The following ROBO1 variants were observed in gnomAD, a reference collection of about 807,000 sequenced individuals.
The protein encoded by ROBO1 is roundabout homolog 1.
ROBO1 carries 149 observed loss-of-function variants against 195.9 expected under a neutral mutation model. The ratio of observed to expected loss-of-function variants is 0.76; its 90% CI spans 0.67 to 0.87. The LOEUF is 0.87. Among genes scored for constraint, ROBO1 ranks in the 40% least tolerant of loss-of-function variants. The pLI is 0.00. For missense variants in ROBO1, 1,933 were observed against 2,068.3 expected (o/e 0.93, Z 1.27); for synonymous variants, 816 against 733.2 (o/e 1.11, Z -1.82).
chr3:79,182,999 T>C (rs564492656), intron 2 of ROBO1, among the ~76,000 whole-genome samples: 1 of 149,734 alleles, frequency 6.7e-6, no homozygotes, highest in African/African-American at 2.5e-5. Context: ...GAGAATCGCT[T>C]GAACCCAGGA....
At chr3:79,243,219 A>G (rs1046612327) in intron 2 of ROBO1, among the ~76,000 whole-genome samples, 4 of 151,892 alleles carry the variant, frequency 2.6e-5, no homozygotes, top group Non-Finnish European at 4.4e-5. Flanking sequence ...ACATTTTCTT[A>G]ATCCAGTCTA....
chr3:78,912,891 C>T (rs117168752), intron 4 of ROBO1, among the ~76,000 whole-genome samples: 2 of 152,172 alleles, frequency 1.3e-5, no homozygotes, highest in East Asian at 3.9e-4. Context: ...GTATGAGTCA[C>T]AAGAAGTGTT....
intron 10 of ROBO1, among the ~76,000 whole-genome samples, chr3:78,674,561 C>CTCA (rs1708279125): frequency 6.6e-6 from 1 of 152,168 alleles, no homozygotes; most frequent in Non-Finnish European, 1.5e-5. Flanking sequence ...CACGAAATCA[C>CTCA]CTTAAAACGC....
At chr3:79,015,004 T>C (rs1219631255) in intron 3 of ROBO1, among the ~76,000 whole-genome samples, 1 of 152,174 alleles carries the variant, frequency 6.6e-6, no homozygotes, top group Non-Finnish European at 1.5e-5. Flanking sequence ...TGGTCATTGT[T>C]AGTCTGAAAT....
chr3:79,741,116 G>A (rs1703624746), intron 1 of ROBO1, among the ~76,000 whole-genome samples: 2 of 152,170 alleles, frequency 1.3e-5, no homozygotes, highest in African/African-American at 2.4e-5. Context: ...TGTGCTTAGG[G>A]GCTTGCTCTG....
intron 4 of ROBO1, among the ~76,000 whole-genome samples, chr3:78,769,971 A>C (rs1039101311): frequency 6.6e-6 from 1 of 152,058 alleles, no homozygotes; most frequent in African/African-American, 2.4e-5. Context: ...GTTTTCCTTT[A>C]TAGTTTTCCT....
intron 2 of ROBO1, among the ~76,000 whole-genome samples, chr3:79,304,272 A>C (rs1391508562): frequency 6.6e-6 from 1 of 152,188 alleles, no homozygotes; most frequent in African/African-American, 2.4e-5. Context: ...TAATACACTT[A>C]ATTTAGAATG....
At chr3:78,817,517 G>A (rs2108658423) in intron 4 of ROBO1, among the ~76,000 whole-genome samples, 1 of 152,110 alleles carries the variant, frequency 6.6e-6, no homozygotes, top group South Asian at 2.1e-4. Flanking sequence ...ATACCTCTAT[G>A]TGAATTCACT....
intron 1 of ROBO1, among the ~76,000 whole-genome samples, chr3:79,658,780 T>C (rs1283406305): frequency 6.6e-6 from 1 of 151,932 alleles, no homozygotes; most frequent in Admixed American, 6.6e-5. Flanking sequence ...TATTTTTTTT[T>C]TTTTCTGAGA....
intron 3 of ROBO1, among the ~76,000 whole-genome samples, chr3:79,045,642 C>T (rs532189548): frequency 1.3e-5 from 2 of 152,158 alleles, no homozygotes; most frequent in East Asian, 3.9e-4. Flanking sequence ...TGTCACTTTT[C>T]AGCTATTGTG....
At chr3:78,942,913 A>C (rs1226373047) in intron 3 of ROBO1, among the ~76,000 whole-genome samples, 1 of 152,044 alleles carries the variant, frequency 6.6e-6, no homozygotes, top group Non-Finnish European at 1.5e-5. Context: ...CCCCATCTCT[A>C]AAAAGTTTAT....
At chr3:78,898,548 C>T (rs550696668) in intron 4 of ROBO1, among the ~76,000 whole-genome samples, 19 of 151,392 alleles carry the variant, frequency 1.3e-4, no homozygotes, top group Non-Finnish European at 1.8e-4. Context: ...CCACCATGCC[C>T]GGCTAATTTT....
chr3:78,711,638 A>T (rs1017782812), intron 8 of ROBO1, among the ~76,000 whole-genome samples: 4 of 142,140 alleles, frequency 2.8e-5, no homozygotes, highest in Non-Finnish European at 6.1e-5. Flanking sequence ...GCCGCATGCC[A>T]CCACGCCCAG....
intron 2 of ROBO1, among the ~76,000 whole-genome samples, chr3:79,466,495 A>G (rs190110123): frequency 6.6e-6 from 1 of 152,218 alleles, no homozygotes; most frequent in Non-Finnish European, 1.5e-5. Context: ...TTTATTTAAG[A>G]GTACAATGAA....
At chr3:79,099,439 C>A (rs556080127) in intron 3 of ROBO1, among the ~76,000 whole-genome samples, 27 of 151,782 alleles carry the variant, frequency 1.8e-4, no homozygotes, top group Admixed American at 9.9e-4. Context: ...CCTTTTGGAG[C>A]AAGTCAGGTC....
chr3:78,648,567 C>T lies in ROBO1; in HGVS notation c.2813-912G>A, dbSNP rs374812554. On this transcript the variant is annotated intron_variant, in intron 19 of 30. Coordinates refer to ENST00000464233, the MANE Select transcript of ROBO1 (RefSeq NM_002941.4). ...CCTCCCCCACTTTTCCTATCTTCTC[C>T]CATTCCTGGGGGGTTGGATAACGGC... Among the ~76,000 whole-genome samples the T allele has an allele frequency of 3.9e-5, 6 of 152,034 alleles. No homozygotes were observed. In the East Asian group the frequency reaches 5.8e-4, roughly 15 times the overall value.
At chr3:79,244,779 C>G (rs1559761028) in intron 2 of ROBO1, among the ~76,000 whole-genome samples, 1 of 152,050 alleles carries the variant, frequency 6.6e-6, no homozygotes, top group Non-Finnish European at 1.5e-5. Context: ...TAAAATATTA[C>G]ATATCCATAA....
intron 1 of ROBO1, among the ~76,000 whole-genome samples, chr3:79,619,575 C>T (rs774007648): frequency 1.8e-4 from 28 of 152,104 alleles, no homozygotes; most frequent in Non-Finnish European, 2.5e-4. Flanking sequence ...TTTTGTTCCA[C>T]GACTAGCTCT....
At chr3:78,977,673 C>T (rs1046928959) in intron 3 of ROBO1, among the ~76,000 whole-genome samples, 1 of 151,474 alleles carries the variant, frequency 6.6e-6, no homozygotes. Context: ...ATAAAGGAAA[C>T]TAACCATGAG....
Sources: gnomAD v4.1 joint callset for allele counts (sites outside exome capture counted in the v4.1 genomes callset) on GRCh38, gnomAD v4.1.1 for gene constraint, MANE v1.5 for transcripts, NCBI Gene and HGNC (gene_info 2026-07-23, HGNC 2026-07-21) for gene names.